The following CSMD1 variants were observed in gnomAD, a reference collection of about 807,000 sequenced individuals.
The protein encoded by CSMD1 is CUB and sushi domain-containing protein 1.
CSMD1 carries 213 observed loss-of-function variants against 417.5 expected under a neutral mutation model. That is an observed-to-expected ratio of 0.51 (90% CI 0.46 to 0.57). The LOEUF is 0.57. Among genes scored for constraint, CSMD1 ranks in the 20% least tolerant of loss-of-function variants. The pLI, the probability that CSMD1 is intolerant of heterozygous loss-of-function variation, is 0.00. For synonymous variants in CSMD1, 2,862 were observed against 1,736.8 expected (o/e 1.65, Z -16.11); for missense variants, 6,923 against 4,529.7 (o/e 1.53, Z -15.17).
At chr8:4,072,026 G>A (rs1237727729) in intron 3 of CSMD1, among the ~76,000 whole-genome samples, 3 of 152,176 alleles carry the variant, frequency 2.0e-5, no homozygotes, top group Non-Finnish European at 2.9e-5. Context: ...TGCTGGTTCA[G>A]AAAGAAAGTG....
intron 3 of CSMD1, among the ~76,000 whole-genome samples, chr8:4,189,762 G>T (rs542275279): frequency 6.6e-6 from 1 of 152,214 alleles, no homozygotes; most frequent in African/African-American, 2.4e-5. Flanking sequence ...AAATTATGAA[G>T]ATTAAACAGG....
At position 2,984,835 on chromosome 8, in the gene CSMD1, G is replaced by C. The variant is rs141643607; in HGVS notation, c.8378-6035C>G. ...ATCGTCCATACCACCATCGACTTCA[G>C]ATTCTGTTGGTGTTTTTTAACTCAC... On this transcript the variant is annotated intron_variant, in intron 54 of 69. Coordinates refer to ENST00000635120, the MANE Select transcript of CSMD1 (RefSeq NM_033225.6). Among the ~76,000 whole-genome samples, 955 of 152,366 alleles carry C rather than the reference G, an allele frequency of 6.3e-3. 11 individuals carry two copies. Among genetic ancestry groups the C allele is most frequent in the Middle Eastern group, 0.014 (4 of 294 alleles).
At chr8:4,652,383 G>GTT (rs56309291) in intron 1 of CSMD1, among the ~76,000 whole-genome samples, 16 of 151,830 alleles carry the variant, frequency 1.1e-4, no homozygotes, top group South Asian at 2.1e-4. Context: ...CTTCCATTCT[G>GTT]TTTTTTTGTC....
intron 3 of CSMD1, among the ~76,000 whole-genome samples, chr8:4,379,963 T>G (rs899750583): frequency 2.6e-5 from 4 of 152,204 alleles, no homozygotes; most frequent in Non-Finnish European, 4.4e-5. Flanking sequence ...AGTCGCCACT[T>G]TGTAGAAAAC....
At chr8:4,402,979 C>G (rs1403225676) in intron 3 of CSMD1, among the ~76,000 whole-genome samples, 1 of 151,802 alleles carries the variant, frequency 6.6e-6, no homozygotes, top group African/African-American at 2.4e-5. Context: ...GCCACCATGC[C>G]TGGCTAATTT....
intron 7 of CSMD1, among the ~76,000 whole-genome samples, chr8:3,700,310 TCA>T (rs1215371558): frequency 2.0e-5 from 3 of 152,200 alleles, no homozygotes; most frequent in African/African-American, 4.8e-5. Flanking sequence ...CTCATGTAGT[TCA>T]GTTTATATTC....
chr8:4,545,017 G>A (rs546712785), intron 2 of CSMD1, among the ~76,000 whole-genome samples: 3 of 152,106 alleles, frequency 2.0e-5, no homozygotes, highest in Non-Finnish European at 4.4e-5. Context: ...TATCACGCAC[G>A]TATCTGAATG....
intron 5 of CSMD1, among the ~76,000 whole-genome samples, chr8:3,935,529 C>T (rs1227857658): frequency 6.6e-6 from 1 of 152,140 alleles, no homozygotes; most frequent in Non-Finnish European, 1.5e-5. Flanking sequence ...ATTTTGGTAA[C>T]TTTCATAATA....
chr8:4,601,356 G>T (rs1236412327), intron 2 of CSMD1, among the ~76,000 whole-genome samples: 1 of 152,168 alleles, frequency 6.6e-6, no homozygotes, highest in African/African-American at 2.4e-5. Flanking sequence ...CTGTACCAGG[G>T]CCTCTCTGAA....
chr8:4,090,792 G>T (rs1047751819), intron 3 of CSMD1, among the ~76,000 whole-genome samples: 1 of 152,262 alleles, frequency 6.6e-6, no homozygotes, highest in East Asian at 1.9e-4. Flanking sequence ...TCACTGGTGC[G>T]TGGTTAAAGA....
chr8:3,228,012 C>T (rs779539159), intron 27 of CSMD1, among the ~76,000 whole-genome samples: 11 of 152,136 alleles, frequency 7.2e-5, no homozygotes, highest in Non-Finnish European at 1.2e-4. Flanking sequence ...AAGTGATCTG[C>T]CCGCCTTGGC....
At chr8:3,591,678 T>G (rs980041769) in intron 8 of CSMD1, among the ~76,000 whole-genome samples, 2 of 151,974 alleles carry the variant, frequency 1.3e-5, no homozygotes, top group Non-Finnish European at 2.9e-5. Flanking sequence ...AACCAATAGA[T>G]AGATGAGAGA....
chr8:3,179,208 G>GT (rs1382370436), intron 37 of CSMD1, among the ~76,000 whole-genome samples: 5 of 152,102 alleles, frequency 3.3e-5, no homozygotes, highest in Middle Eastern at 3.4e-3. Flanking sequence ...GCCTCCCAAA[G>GT]TGCTGGGATT....
chr8:3,751,371 AATT>A (rs1797334176), intron 6 of CSMD1, among the ~76,000 whole-genome samples: 1 of 143,122 alleles, frequency 7.0e-6, no homozygotes, highest in African/African-American at 2.7e-5. Context: ...TCTATATATA[AATT>A]ATTTATATAT....
chr8:4,813,807 G>A (rs976789653), intron 1 of CSMD1, among the ~76,000 whole-genome samples: 3 of 152,168 alleles, frequency 2.0e-5, no homozygotes, highest in Admixed American at 1.3e-4. Flanking sequence ...GGTTGCCATC[G>A]AATTTCATCA....
intron 5 of CSMD1, among the ~76,000 whole-genome samples, chr8:3,756,011 A>G (rs1245642453): frequency 6.6e-6 from 1 of 152,042 alleles, no homozygotes; most frequent in Non-Finnish European, 1.5e-5. Context: ...TAGATTCAAA[A>G]ACCCCCAGTC....
intron 10 of CSMD1, among the ~76,000 whole-genome samples, chr8:3,494,577 T>C (rs968719212): frequency 5.3e-5 from 8 of 149,574 alleles, no homozygotes; most frequent in African/African-American, 1.3e-4. Flanking sequence ...GATAGATAGA[T>C]AGATAGATAG....
intron 57 of CSMD1, among the ~76,000 whole-genome samples, chr8:2,969,386 AT>A (rs1804240424): frequency 1.3e-5 from 2 of 152,218 alleles, no homozygotes; most frequent in Admixed American, 1.3e-4. Flanking sequence ...AGATAGATCC[AT>A]TTGAAATCTT....
At chr8:4,312,745 A>G (rs775381611) in intron 3 of CSMD1, among the ~76,000 whole-genome samples, 1 of 152,072 alleles carries the variant, frequency 6.6e-6, no homozygotes, top group Admixed American at 6.6e-5. Flanking sequence ...GTGGTGGCAG[A>G]TACCTGTAAT....
Sources: gnomAD v4.1 joint callset for allele counts (sites outside exome capture counted in the v4.1 genomes callset) on GRCh38, gnomAD v4.1.1 for gene constraint, MANE v1.5 for transcripts, NCBI Gene and HGNC (gene_info 2026-07-23, HGNC 2026-07-21) for gene names.